The following EPB41L3 variants were observed in gnomAD, a reference collection of about 807,000 sequenced individuals.
The protein encoded by EPB41L3 is erythrocyte membrane protein band 4.1 like 3.
EPB41L3 carries 57 observed loss-of-function variants against 127.1 expected under a neutral mutation model. The observed-to-expected ratio is 0.45, with a 90% CI of 0.36 to 0.56. The LOEUF is 0.56. Among genes scored for constraint, EPB41L3 ranks in the 20% least tolerant of loss-of-function variants. EPB41L3 has a pLI of 0.00. For missense variants in EPB41L3, 1,273 were observed against 1,372.2 expected, an observed-to-expected ratio of 0.93 and a Z score of 1.14; for synonymous variants, 572 against 549.5, an observed-to-expected ratio of 1.04 and a Z score of -0.57.
chr18:5,551,491 G>A (rs1041159679), intron 3 of EPB41L3, among the ~76,000 whole-genome samples: 6 of 152,218 alleles, frequency 3.9e-5, no homozygotes, highest in South Asian at 2.1e-4. Context: ...TTGGGAGGCC[G>A]AGGCGGGTGG....
rs959179826 is a variant in EPB41L3 at position 5,612,160 on chromosome 18, T to G, written c.-306+180A>C. ...TGGCCACCCTGTGTAGACCCAATCT[T>G]GAAAGGAAAGCATGAATGGAAGTCA... On this transcript the variant is annotated intron_variant, in intron 3 of 21. Coordinates refer to the EPB41L3 transcript ENST00000545076. Among the ~76,000 whole-genome samples, 7 of 151,836 alleles carry G rather than the reference T, an allele frequency of 4.6e-5. 1 individual carries two copies. The highest frequency in any genetic ancestry group is 4.2e-4 in the South Asian group (2 of 4,816).
At chr18:5,424,160 G>T in intron 10 of EPB41L3, 102 bp downstream of exon 10, 1 of 769,670 alleles carries the variant, frequency 1.3e-6, no homozygotes, top group Non-Finnish European at 2.0e-6. Flanking sequence ...TGAACTTGAA[G>T]GGATAGAAAG....
chr18:5,426,376 T>C (rs1258050233), intron 9 of EPB41L3, among the ~76,000 whole-genome samples: 1 of 152,120 alleles, frequency 6.6e-6, no homozygotes, highest in Non-Finnish European at 1.5e-5. Flanking sequence ...CCTGGACTTT[T>C]CCCTCTTTTA....
chr18:5,394,792 G>T lies in EPB41L3; in HGVS notation c.3155C>A (p.Ala1052Glu). 1 of 1,614,002 alleles carries T rather than the reference G, an allele frequency of 6.2e-7. No individual in the cohort carries two copies. The highest frequency in any genetic ancestry group is 8.5e-7 in the Non-Finnish European group (1 of 1,179,934). ...TGDADIDHDQALAQAIKEAKE... is the reference protein window; with the variant it reads ...TGDADIDHDQELAQAIKEAKE... ...GGCCTCTTTAATTGCCTGAGCCAGC[G>T]CCTATCCCCGGGAAATCACAGAAGG... is the stretch of plus-strand genomic sequence containing the variant. Residue 1052 changes from alanine to glutamate, a missense_variant and splice_region_variant, in exon 22 of 23, where the codon GCG becomes GAG. Around this residue, in one of 3 missense-constraint regions of EPB41L3, gnomAD observed 765 missense variants for 782.9 expected, o/e 0.98. Transcript: ENST00000341928.
chr18:5,513,446 T>C (rs1232378830), intron 1 of EPB41L3, among the ~76,000 whole-genome samples: 1 of 152,202 alleles, frequency 6.6e-6, no homozygotes, highest in Non-Finnish European at 1.5e-5. Flanking sequence ...GGAAAGACTT[T>C]TCTCTCATTT....
Position 5,406,539 on chromosome 18 carries a change from TA to T in EPB41L3, c.2349+237del, listed in dbSNP as rs2075414355. Among the ~76,000 whole-genome samples, 6 of 152,294 alleles carry T rather than the reference TA, an allele frequency of 3.9e-5. No individual in the cohort carries two copies. In the South Asian group the frequency reaches 1.2e-3, roughly 32 times the overall value. Reference sequence around the variant, plus strand: ...GTCAGAATCAGCTGATTTTTCACGATAGTCTCCCTGTGGCTTCCCGCCCTAA... The same window carrying T: ...GTCAGAATCAGCTGATTTTTCACGATGTCTCCCTGTGGCTTCCCGCCCTAA... On this transcript the variant is annotated intron_variant, in intron 16 of 22. Coordinates refer to ENST00000341928, the MANE Select transcript of EPB41L3 (RefSeq NM_012307.5).
rs1273543001 is a variant in EPB41L3, at chr18:5,428,454, C to A, written c.924G>T (p.Gly308=). 2 of 1,614,074 alleles carry A rather than the reference C, an allele frequency of 1.2e-6. No homozygotes were observed. The highest frequency in any genetic ancestry group is 2.2e-5 in the South Asian group (2 of 91,066). The part of the protein sequence containing the change: ...VDLHHAKDSE[G]VEIMLGVCAS... ...CACAAACTCCTAACATAATTTCTAC[C>A]CCTTCTGAGTCCTGGAAAATAAAAG... The change falls in exon 9 of 23, where the codon GGG becomes GGT. Residue 308 remains glycine (G), a synonymous_variant. Transcript: ENST00000341928.
intron 1 of EPB41L3, among the ~76,000 whole-genome samples, chr18:5,498,256 T>C (rs1426575214): frequency 1.3e-5 from 2 of 152,236 alleles, no homozygotes; most frequent in African/African-American, 4.8e-5. Context: ...AGCTTCCTGA[T>C]AGCTGTGCTT....
chr18:5,511,975 A>G (rs1005937419), intron 1 of EPB41L3, among the ~76,000 whole-genome samples: 1 of 152,244 alleles, frequency 6.6e-6, no homozygotes, highest in Non-Finnish European at 1.5e-5. Flanking sequence ...ATCGCTTTCA[A>G]TAAGACAAGG....
chr18:5,429,961 T>C (rs2078755376), intron 8 of EPB41L3, among the ~76,000 whole-genome samples: 1 of 152,212 alleles, frequency 6.6e-6, no homozygotes, highest in Admixed American at 6.5e-5. Context: ...GAGGACGCAC[T>C]GCCAGAATCA....
Position 5,516,141 on chromosome 18 carries a change from G to GC in EPB41L3, c.-11-26948dup, listed in dbSNP as rs575691809. 5.9e-5 allele frequency among the ~76,000 whole-genome samples: 9 copies of GC among 152,282 alleles called. No individual in the cohort carries two copies. In the East Asian group the frequency reaches 1.7e-3, roughly 29 times the overall value. On this transcript the variant is annotated intron_variant, in intron 1 of 22. Coordinates refer to ENST00000341928, the MANE Select transcript of EPB41L3 (RefSeq NM_012307.5). ...CCTTGATCCAAGCACCACATCCAGA[G>GC]CCCCAAGTCCAGGGGCAGATACTCC... is the stretch of plus-strand genomic sequence containing the variant.
intron 3 of EPB41L3, among the ~76,000 whole-genome samples, chr18:5,475,882 G>A (rs755469686): frequency 9.9e-5 from 15 of 151,932 alleles, no homozygotes; most frequent in East Asian, 1.9e-4. Flanking sequence ...CTGTGCCTTC[G>A]TCAAGTCTTT....
intron 3 of EPB41L3, among the ~76,000 whole-genome samples, chr18:5,567,974 G>A (rs938080331): frequency 1.3e-5 from 2 of 151,966 alleles, no homozygotes; most frequent in Non-Finnish European, 2.9e-5. Flanking sequence ...GTTGCAGATG[G>A]TAACCAATAA....
intron 3 of EPB41L3, among the ~76,000 whole-genome samples, chr18:5,608,951 T>A (rs1255905734): frequency 1.3e-5 from 2 of 152,216 alleles, no homozygotes; most frequent in East Asian, 3.9e-4. Context: ...AACTAAATCA[T>A]CTAAGATAAA....
At chr18:5,460,186 G>A (rs2083745461) in intron 3 of EPB41L3, among the ~76,000 whole-genome samples, 2 of 152,148 alleles carry the variant, frequency 1.3e-5, no homozygotes, top group Admixed American at 1.3e-4. Flanking sequence ...AGTTTGCTGA[G>A]GATAATCACT....
At chr18:5,430,191 T>C (rs1359580008) in intron 8 of EPB41L3, among the ~76,000 whole-genome samples, 1 of 152,212 alleles carries the variant, frequency 6.6e-6, no homozygotes, top group Non-Finnish European at 1.5e-5. Context: ...CCTCCTCTTC[T>C]TGTCCCCTCC....
At chr18:5,486,305 C>T (rs1365139887) in intron 2 of EPB41L3, among the ~76,000 whole-genome samples, 2 of 151,920 alleles carry the variant, frequency 1.3e-5, no homozygotes, top group African/African-American at 2.4e-5. Context: ...AATTAGACCC[C>T]TATTTCTCAC....
intron 1 of EPB41L3, among the ~76,000 whole-genome samples, chr18:5,507,210 C>T (rs2092264759): frequency 6.6e-6 from 1 of 152,066 alleles, no homozygotes; most frequent in Non-Finnish European, 1.5e-5. Context: ...AAAGAGAACA[C>T]ATTAAAACAC....
intron 16 of EPB41L3, 31 bp downstream of exon 16, chr18:5,406,746 T>C (rs750059582): frequency 1.9e-6 from 3 of 1,592,588 alleles, no homozygotes; most frequent in Non-Finnish European, 2.6e-6. Context: ...GTAAACAGAA[T>C]ACGAGTCTGA....
Sources: allele counts gnomAD v4.1 joint callset (sites outside exome capture counted in the v4.1 genomes callset), GRCh38; gene constraint gnomAD v4.1.1; regional missense constraint gnomAD v4.1.1; transcripts MANE v1.5; gene names NCBI Gene and HGNC (gene_info 2026-07-23, HGNC 2026-07-21).